NLRP1: variants seen among roughly 807,000 people sequenced by gnomAD.
The protein encoded by NLRP1 is NLR family pyrin domain containing 1.
A neutral mutation model predicts 136.7 loss-of-function variants in NLRP1; 94 were observed. That is an observed-to-expected ratio of 0.69 (90% CI 0.58 to 0.82). NLRP1 has a LOEUF of 0.82. NLRP1 is among the 40% of genes least tolerant of loss of function. The probability of loss-of-function intolerance (pLI) is 0.00; values close to 1 mark genes in which losing one functional copy is unlikely to be tolerated. For synonymous variants in NLRP1, 690 were observed against 725.1 expected (o/e 0.95, Z 0.78); for missense variants, 1,575 against 1,802.7 (o/e 0.87, Z 2.29).
At chr17:5,536,112 G>T (rs1248088489) in intron 8 of NLRP1, among the ~76,000 whole-genome samples, 2 of 152,060 alleles carry the variant, frequency 1.3e-5, no homozygotes, top group Non-Finnish European at 2.9e-5. Context: ...GGGTCCAGGG[G>T]ATTCGCTGGC....
intron 14 of NLRP1, 131 bp downstream of exon 14, chr17:5,520,749 TA>T: frequency 1.2e-6 from 1 of 853,416 alleles, no homozygotes; most frequent in Non-Finnish European, 1.7e-6. Flanking sequence ...CCACTTTCTC[TA>T]AATCCCACTC....
chr17:5,510,953 C>T (rs879538185), downstream of NLRP1, among the ~76,000 whole-genome samples: 4 of 152,166 alleles, frequency 2.6e-5, no homozygotes, highest in Non-Finnish European at 4.4e-5. Context: ...TGTACCAGCT[C>T]GCCCAGAACA....
rs201262231 is a variant in NLRP1, at chr17:5,559,478, G to A, written c.1218C>T (p.Leu406=). ...GCTCATCTACACCATCGAGGATGAA[G>A]AGCAGCCGCTCTGGCCTAGACAGGA... The part of the protein sequence containing the change: ...RQILSRPERL[L]FILDGVDEPG... The change falls in exon 4 of 17, where the codon CTC becomes CTT. Residue 406 remains leucine, a synonymous_variant. Coordinates refer to ENST00000572272, the MANE Select transcript of NLRP1 (RefSeq NM_033004.4). 1.7e-5 allele frequency: 27 copies of A among 1,614,060 alleles called. No homozygotes were observed. The highest frequency in any genetic ancestry group is 1.9e-5 in the Non-Finnish European group (22 of 1,179,998).
chr17:5,578,771 A>G (rs1032299309), intron 3 of NLRP1, among the ~76,000 whole-genome samples: 1 of 152,250 alleles, frequency 6.6e-6, no homozygotes, highest in Non-Finnish European at 1.5e-5. Flanking sequence ...GTATATACCC[A>G]AAGGATTATA....
At chr17:5,501,866 T>C (rs761407735) in exon 16 of NLRP1, 1 of 1,613,802 alleles carries the variant, frequency 6.2e-7, no homozygotes, top group Admixed American at 1.7e-5. Flanking sequence ...CTGGCTGGTG[T>C]TCCTTCCTGG....
intron 5 of NLRP1, among the ~76,000 whole-genome samples, chr17:5,542,498 C>T (rs112694304): frequency 9.1e-4 from 138 of 152,238 alleles, no homozygotes; most frequent in Middle Eastern, 3.4e-3. Flanking sequence ...CCTCCACTTG[C>T]GTCAGGTCTT....
At chr17:5,508,327 G>A (rs1227973130) in intron 15 of NLRP1, among the ~76,000 whole-genome samples, 1 of 152,160 alleles carries the variant, frequency 6.6e-6, no homozygotes, top group Non-Finnish European at 1.5e-5. Context: ...AAATAAATTT[G>A]TTTTGTAGAG....
At position 5,582,854 on chromosome 17, in the gene NLRP1, A is replaced by C; in HGVS notation, c.272-8T>G. On this transcript the variant is annotated splice_region_variant and splice_polypyrimidine_tract_variant and intron_variant, in intron 1 of 16. Transcript: ENST00000572272. ...GGAATGAGGGAGAGTGGCCTACAGG[A>C]AAGAGACAAAGAGGTTGGAGACACA... 1.1e-5 allele frequency: 17 copies of C among 1,593,280 alleles called. No individual in the cohort carries two copies. Among genetic ancestry groups the C allele is most frequent in the Non-Finnish European group, 1.5e-5 (17 of 1,169,194 alleles).
At chr17:5,510,053 T>C (rs1032029562), downstream of NLRP1, among the ~76,000 whole-genome samples, 23 of 151,452 alleles carry the variant, frequency 1.5e-4, no homozygotes, top group Non-Finnish European at 1.8e-4. Flanking sequence ...CAAAAAGATC[T>C]TTCTTCTATT....
At chr17:5,538,586 T>C (rs1911406591) in intron 7 of NLRP1, among the ~76,000 whole-genome samples, 1 of 152,220 alleles carries the variant, frequency 6.6e-6, no homozygotes, top group South Asian at 2.1e-4. Context: ...CTCATAAATA[T>C]AGACTTGTGC....
chr17:5,535,091 G>C (rs1301913930), intron 8 of NLRP1, among the ~76,000 whole-genome samples: 5 of 152,098 alleles, frequency 3.3e-5, no homozygotes, highest in African/African-American at 9.7e-5. Context: ...GTGGTGGCAT[G>C]CACCTGTAGT....
chr17:5,582,732 G>C lies in NLRP1; in HGVS notation c.386C>G (p.Thr129Ser). 6.2e-7 allele frequency: 1 copy of C among 1,614,146 alleles called. No homozygotes were observed. Among genetic ancestry groups the C allele is most frequent in the South Asian group, 1.1e-5 (1 of 91,080 alleles). The change falls in exon 2 of 17, where the codon ACC becomes AGC. Residue 129 changes from threonine (T) to serine (S), a missense_variant. Coordinates refer to ENST00000572272, the MANE Select transcript of NLRP1 (RefSeq NM_033004.4). ...CAAAACCCTTCTCTCTGAGCCCTGG[G>C]TGCACCCCGCCGGCAATTCATGGAT... ...PWIHELPAGC[T>S]QGSERRVLRQ...
At position 5,583,592 on chromosome 17, in the gene NLRP1, G is replaced by A. The variant is rs1271120254; in HGVS notation, c.271+95C>T. On this transcript the variant is annotated intron_variant, in intron 1 of 16. Coordinates refer to ENST00000572272, the MANE Select transcript of NLRP1 (RefSeq NM_033004.4). This position sits in a 1 kb window ranked among gnomAD's most constrained non-coding sequence, Gnocchi z 4.5. ...CATGTCACTGCTCAGAGGAAGGCCTGGCAGGGAGGGCTCAGTGGTGGGGTC... is the reference window on the plus strand; with the variant it reads ...CATGTCACTGCTCAGAGGAAGGCCTAGCAGGGAGGGCTCAGTGGTGGGGTC... The A allele has an allele frequency of 8.6e-6, 11 of 1,286,530 alleles. No individual in the cohort carries two copies. The highest frequency in any genetic ancestry group is 2.9e-5 in the South Asian group (2 of 67,932). 79.7% of individuals were successfully genotyped at this position (1,286,530 alleles called of 1,614,324 possible).
At chr17:5,538,918 T>A (rs1911467136) in intron 7 of NLRP1, among the ~76,000 whole-genome samples, 1 of 152,220 alleles carries the variant, frequency 6.6e-6, no homozygotes. Flanking sequence ...TCTCACTCTG[T>A]TGCCCAGGAT....
downstream of NLRP1, among the ~76,000 whole-genome samples, chr17:5,510,826 C>G (rs1431481862): frequency 1.3e-5 from 2 of 152,086 alleles, no homozygotes; most frequent in Admixed American, 6.6e-5. Context: ...TATTTCGTAT[C>G]TCCTTGCCAC....
chr17:5,576,555 A>G (rs1045148035), intron 3 of NLRP1, among the ~76,000 whole-genome samples: 8 of 152,188 alleles, frequency 5.3e-5, no homozygotes, highest in Non-Finnish European at 1.0e-4. Flanking sequence ...GGACACATAC[A>G]CCCTTCCAAG....
At chr17:5,553,323 T>G (rs1189530133) in intron 5 of NLRP1, 63 bp downstream of exon 5, 3 of 1,450,274 alleles carry the variant, frequency 2.1e-6, no homozygotes, top group Non-Finnish European at 2.8e-6. Flanking sequence ...CAGCCCAGAC[T>G]CAGCTTCTGC....
At chr17:5,579,124 G>A (rs578159579) in intron 3 of NLRP1, among the ~76,000 whole-genome samples, 10 of 152,046 alleles carry the variant, frequency 6.6e-5, no homozygotes, top group Admixed American at 1.3e-4. Context: ...GGTTGGAGGA[G>A]GGGGGAGGGA....
intron 5 of NLRP1, among the ~76,000 whole-genome samples, chr17:5,552,330 A>C (rs945182943): frequency 2.0e-5 from 3 of 151,830 alleles, no homozygotes; most frequent in Non-Finnish European, 1.5e-5. Flanking sequence ...GTTGATTTCT[A>C]ATTTCATTTT....
Sources: allele counts gnomAD v4.1 joint callset (sites outside exome capture counted in the v4.1 genomes callset), GRCh38; gene constraint gnomAD v4.1.1; non-coding constraint Gnocchi (gnomAD v3.1); transcripts MANE v1.5; gene names NCBI Gene and HGNC (gene_info 2026-07-23, HGNC 2026-07-21).